Variants in ADAD2 observed in about 807,000 individuals in gnomAD.
ADAD2 encodes adenosine deaminase domain-containing protein 2.
Under a neutral mutation model 54.5 loss-of-function variants are expected in ADAD2, and 60 were observed. That is an observed-to-expected ratio of 1.10 (90% CI 0.89 to 1.36). The LOEUF (loss-of-function observed/expected upper bound fraction) is 1.36. Ranked by LOEUF, ADAD2 falls within the 40% of genes most tolerant of loss-of-function variation. ADAD2 has a pLI of 0.00. For missense variants in ADAD2, 1,103 were observed against 801.3 expected (o/e 1.38, Z -4.54); for synonymous variants, 543 against 366.2 (o/e 1.48, Z -5.51).
Position 84,197,135 on chromosome 16 carries a change from G to C in ADAD2, c.*161G>C, listed in dbSNP as rs1019145852. The stretch of plus-strand genomic sequence containing the variant: ...TGTGGTTGGGAGGCGGCTGCTGCAC[G>C]TTTGGGCTTGAATAAAGAAGTATTT... On this transcript the variant is annotated 3_prime_UTR_variant, in exon 10 of 10. Transcript: ENST00000315906. 2 of 677,416 alleles carry C rather than the reference G, an allele frequency of 3.0e-6. No individual in the cohort carries two copies. The highest frequency in any genetic ancestry group is 5.0e-6 in the Non-Finnish European group (2 of 401,192). 42.0% of individuals were successfully genotyped at this position (677,416 alleles called of 1,614,324 possible).
intron 8 of ADAD2, 38 bp from the exon 9 acceptor site, chr16:84,196,609 T>C: frequency 6.2e-7 from 1 of 1,604,426 alleles, no homozygotes; most frequent in Non-Finnish European, 8.5e-7. Context: ...GTCCAGCTTG[T>C]ATCTCTCTGA....
rs2089729859 is a variant in ADAD2, at chr16:84,196,294, G to C, written c.1450G>C (p.Gly484Arg). The part of the protein sequence containing the change: ...PSEPTPDTCR[G>R]LSLNWSLGDP... ...CGAACCCACCCCTGACACCTGCCGTGGCCTGAGCCTCAACTGGAGCCTGGG... is the reference window on the plus strand; with the variant it reads ...CGAACCCACCCCTGACACCTGCCGTCGCCTGAGCCTCAACTGGAGCCTGGG... Residue 484 changes from glycine to arginine, a missense_variant, in exon 8 of 10, where the codon GGC becomes CGC. Physicochemically the swap from Gly to Arg is moderately radical, Grantham distance 125. Coordinates refer to ENST00000315906, the MANE Select transcript of ADAD2 (RefSeq NM_001145400.2). 1 of 1,612,976 alleles carries C rather than the reference G, an allele frequency of 6.2e-7. No homozygotes were observed. Among genetic ancestry groups the C allele is most frequent in the Non-Finnish European group, 8.5e-7 (1 of 1,179,970 alleles).
Position 84,196,720 on chromosome 16 carries a change from G to T in ADAD2, c.1600G>T (p.Val534Leu). Reference protein sequence around the residue: ...LRAFHQAARAVGKPYLLALKT... With the variant: ...LRAFHQAARALGKPYLLALKT... ...GGCCTTTCACCAGGCGGCCAGGGCT[G>T]TGGGGAAGCCCTACCTCCTGGCCTT... The change falls in exon 9 of 10, where the codon GTG becomes TTG. Residue 534 changes from valine (V) to leucine (L), a missense_variant. Physicochemically the swap from Val to Leu is conservative, Grantham distance 32. Transcript: ENST00000315906. 6.2e-7 allele frequency: 1 copy of T among 1,613,146 alleles called. No individual in the cohort carries two copies.
chr16:84,194,583 G>A lies in ADAD2; in HGVS notation c.559+1G>A, dbSNP rs113308741. The A allele has an allele frequency of 6.2e-7, 1 of 1,601,530 alleles. No homozygotes were observed. The highest frequency in any genetic ancestry group is 8.5e-7 in the Non-Finnish European group (1 of 1,174,112). ...ATCCGGAGTCAGCTGGAGAACCCAGGTAATGGAGGGAGGGCCAGGCAGCTG... is the reference window on the plus strand; with the variant it reads ...ATCCGGAGTCAGCTGGAGAACCCAGATAATGGAGGGAGGGCCAGGCAGCTG... On this transcript the variant is annotated splice_donor_variant, in intron 2 of 9. Transcript: ENST00000315906. LOFTEE classifies it high-confidence loss of function.
chr16:84,193,417 G>C (rs1331654893), intron 1 of ADAD2: 2 of 152,276 alleles, frequency 1.3e-5, no homozygotes, highest in African/African-American at 4.8e-5. Context: ...ATGTCCTTCA[G>C]CTTGGGTTTG....
Position 84,194,580 on chromosome 16 carries a change from C to A in ADAD2, c.557C>A (p.Pro186Gln), listed in dbSNP as rs1228466775. The part of the protein sequence containing the change: ...LCYIRSQLEN[P>Q]ESPQTSSRPP... Reference sequence around the variant, plus strand: ...TACATCCGGAGTCAGCTGGAGAACCCAGGTAATGGAGGGAGGGCCAGGCAG... The same window carrying A: ...TACATCCGGAGTCAGCTGGAGAACCAAGGTAATGGAGGGAGGGCCAGGCAG... Residue 186 changes from proline (P) to glutamine (Q), a missense_variant and splice_region_variant, in exon 2 of 10, where the codon CCA becomes CAA. By Grantham distance (76) the Pro-to-Gln change is moderately conservative. Coordinates refer to ENST00000315906, the MANE Select transcript of ADAD2 (RefSeq NM_001145400.2). The A allele has an allele frequency of 2.5e-6, 4 of 1,602,400 alleles. No homozygotes were observed. In the Admixed American group the frequency reaches 6.9e-5, roughly 27 times the overall value.
At chr16:84,196,476 AACCCCTTCG>A (rs2089732542) in intron 8 of ADAD2, 106 bp downstream of exon 8, 8 of 1,545,628 alleles carry the variant, frequency 5.2e-6, no homozygotes, top group African/African-American at 1.4e-5. Context: ...CCCTTCGCTC[AACCCCTTCG>A]CTCAACCCCT....
At chr16:84,194,019 A>G in intron 1 of ADAD2, 1 of 1,589,436 alleles carries the variant, frequency 6.3e-7, no homozygotes, top group Non-Finnish European at 8.6e-7. Flanking sequence ...AAGTGTTCAA[A>G]TATAGAGCCC....
rs1005093574 is a variant in ADAD2 at position 84,191,412 on chromosome 16, T to A, written c.182T>A (p.Val61Asp). 10 of 1,495,080 alleles carry A rather than the reference T, an allele frequency of 6.7e-6. No individual in the cohort carries two copies. In the African/African-American group the frequency reaches 1.3e-4, roughly 19 times the overall value. The allele number at this position is 1,495,080 out of a possible 1,614,324, so 92.6% of individuals were successfully genotyped here. ...TYRAEGGWPQ[V>D]SVLRDSGPGA... ...CGCGCGGAGGGCGGGTGGCCCCAGGTCTCGGTGTTGAGGGACAGTGGGCCT... is the reference window on the plus strand; with the variant it reads ...CGCGCGGAGGGCGGGTGGCCCCAGGACTCGGTGTTGAGGGACAGTGGGCCT... The change falls in exon 1 of 10, where the codon GTC (valine) becomes GAC (aspartate). Residue 61 changes from valine to aspartate, a missense_variant. Coordinates refer to ENST00000315906, the MANE Select transcript of ADAD2 (RefSeq NM_001145400.2).
In ADAD2 at chr16:84,195,405, C is replaced by T. The variant is rs751357105; in HGVS notation, c.843C>T (p.His281=). Residue 281 remains histidine (H), a synonymous_variant, in exon 5 of 10, where the codon CAC becomes CAT. Transcript: ENST00000315906. The stretch of plus-strand genomic sequence containing the variant: ...TGGAGTTCTCGGGCCAGCAGCTCCA[C>T]GACTGCCATGGCCTGGTCATCGCCC... The part of the protein sequence containing the change: ...GWLEFSGQQL[H]DCHGLVIARR... 36 of 1,609,050 alleles carry T rather than the reference C, an allele frequency of 2.2e-5. No homozygotes were observed. The highest frequency in any genetic ancestry group is 1.6e-4 in the Middle Eastern group (1 of 6,082).
Position 84,194,980 on chromosome 16 carries a change from G to A in ADAD2, c.607G>A (p.Glu203Lys). The A allele has an allele frequency of 6.2e-7, 1 of 1,603,362 alleles. No individual in the cohort carries two copies. Among genetic ancestry groups the A allele is most frequent in the Non-Finnish European group, 8.5e-7 (1 of 1,177,338 alleles). Reference protein sequence around the residue: ...SRPPLAPLSVENILTHEQRCA... With the variant: ...SRPPLAPLSVKNILTHEQRCA... ...GCCTCCACTGGCCCCCCTGAGCGTA[G>A]GTAGGTGAGCATTCCCGGACCCAGG... Residue 203 changes from glutamate to lysine, a missense_variant and splice_region_variant, in exon 3 of 10, where the codon GAG becomes AAG. Transcript: ENST00000315906.
intron 1 of ADAD2, 64 bp downstream of exon 1, chr16:84,191,712 C>T (rs993123283): frequency 3.2e-6 from 5 of 1,538,516 alleles, no homozygotes; most frequent in African/African-American, 2.7e-5. Flanking sequence ...GGTCCCAGGA[C>T]GTGGGGAGCA....
At chr16:84,192,013 C>T (rs1394841775) in intron 1 of ADAD2, 1 of 410,438 alleles carries the variant, frequency 2.4e-6, no homozygotes, top group Non-Finnish European at 4.6e-6. Context: ...GGGAGCCACT[C>T]CCCTGACTTA....
chr16:84,195,598 C>T lies in ADAD2; in HGVS notation c.953C>T (p.Ala318Val). Residue 318 changes from alanine (A) to valine (V), a missense_variant, in exon 6 of 10, where the codon GCC becomes GTC. Coordinates refer to ENST00000315906, the MANE Select transcript of ADAD2 (RefSeq NM_001145400.2). ...AAGGGCAAGGAGCAGTCCGTGCTGGCCCCCCAGCCAGGGCCCGGACCCCCA... is the reference window on the plus strand; with the variant it reads ...AAGGGCAAGGAGCAGTCCGTGCTGGTCCCCCAGCCAGGGCCCGGACCCCCA... Reference protein sequence around the residue: ...GPKGKEQSVLAPQPGPGPPFT... With the variant: ...GPKGKEQSVLVPQPGPGPPFT... The T allele has an allele frequency of 6.2e-7, 1 of 1,603,654 alleles. No homozygotes were observed. The highest frequency in any genetic ancestry group is 8.5e-7 in the Non-Finnish European group (1 of 1,175,528).
Position 84,191,361 on chromosome 16 carries a change from G to GCCCGA in ADAD2, c.131_132insCCCGA (p.Ala46SerfsTer21). On this transcript the variant is annotated frameshift_variant, in exon 1 of 10. Transcript: ENST00000315906. LOFTEE classifies it high-confidence loss of function. The stretch of plus-strand genomic sequence containing the variant: ...CCCGCCCAGGCCCAAAGTGCCTGGG[G>GCCCGA]GCCCGCGCCCGCGCCCGCGACGTAT... The GCCCGA allele has an allele frequency of 1.3e-6, 2 of 1,549,180 alleles. No homozygotes were observed. The highest frequency in any genetic ancestry group is 1.2e-5 in the South Asian group (1 of 85,884).
chr16:84,195,887 G>C lies in ADAD2; in HGVS notation c.1125G>C (p.Gln375His). Residue 375 changes from glutamine (Q) to histidine (H), a missense_variant, in exon 7 of 10, where the codon CAG (glutamine) becomes CAC (histidine). Transcript: ENST00000315906. ...GCCTGCAGGCCCATGTGCTCGGGCA[G>C]CTGAAGCCTGTGTGCTACGTGGCGC... The part of the protein sequence containing the change: ...PMRLQAHVLG[Q>H]LKPVCYVAPS... 3.1e-6 allele frequency: 5 copies of C among 1,603,730 alleles called. No homozygotes were observed. The highest frequency in any genetic ancestry group is 4.2e-6 in the Non-Finnish European group (5 of 1,179,572).
chr16:84,196,392 C>T (rs778553391), intron 8 of ADAD2, 22 bp downstream of exon 8: 30 of 1,600,690 alleles, frequency 1.9e-5, no homozygotes, highest in East Asian at 1.3e-4. Context: ...CCCCTGGGGC[C>T]GGGCTGTGGA....
Position 84,196,273 on chromosome 16 carries a change from C to T in ADAD2, c.1429C>T (p.Pro477Ser). ...FAGPPVAPSE[P>S]TPDTCRGLSL... ...AGGGCCCCCGGTGGCCCCTTCCGAACCCACCCCTGACACCTGCCGTGGCCT... is the reference window on the plus strand; with the variant it reads ...AGGGCCCCCGGTGGCCCCTTCCGAATCCACCCCTGACACCTGCCGTGGCCT... The change falls in exon 8 of 10, where the codon CCC becomes TCC. Residue 477 changes from proline (P) to serine (S), a missense_variant. Coordinates refer to ENST00000315906, the MANE Select transcript of ADAD2 (RefSeq NM_001145400.2). The T allele has an allele frequency of 6.2e-7, 1 of 1,612,942 alleles. No individual in the cohort carries two copies. The highest frequency in any genetic ancestry group is 1.1e-5 in the South Asian group (1 of 91,086).
rs1384580674 is a variant in ADAD2, at chr16:84,196,055, G to GGT, written c.1282+13_1282+14dup. On this transcript the variant is annotated intron_variant, in intron 7 of 9. Coordinates refer to ENST00000315906, the MANE Select transcript of ADAD2 (RefSeq NM_001145400.2). ...CCAGCCTCATCCTGGGTGAGCACGT[G>GGT]GTGAGGGCTGGGGGGGTGAGAAGGG... 1.3e-6 allele frequency: 2 copies of GGT among 1,599,306 alleles called. No individual in the cohort carries two copies. Among genetic ancestry groups the GGT allele is most frequent in the Non-Finnish European group, 1.7e-6 (2 of 1,179,842 alleles).
Sources: allele counts gnomAD v4.1 joint callset, GRCh38; gene constraint gnomAD v4.1.1; transcripts MANE v1.5; gene names NCBI Gene and HGNC (gene_info 2026-07-23, HGNC 2026-07-21).